SLC25A48: variants seen among roughly 807,000 people sequenced by gnomAD.
SLC25A48 encodes the protein CTC-321K16.1.
In SLC25A48, 29 loss-of-function variants were observed where a neutral mutation model predicts 32.2. The ratio of observed to expected loss-of-function variants is 0.90; its 90% CI spans 0.67 to 1.23. The LOEUF is 1.23. Ranked by LOEUF, SLC25A48 falls within the 50% of genes most tolerant of loss-of-function variation. The pLI is 0.00. For synonymous variants in SLC25A48, 164 were observed against 172.3 expected, an observed-to-expected ratio of 0.95 and a Z score of 0.38; for missense variants, 399 against 422.7, an observed-to-expected ratio of 0.94 and a Z score of 0.49.
intron 3 of SLC25A48, among the ~76,000 whole-genome samples, chr5:135,785,802 G>A (rs1156471834): frequency 6.7e-6 from 1 of 148,664 alleles, no homozygotes; most frequent in Non-Finnish European, 1.5e-5. Context: ...GGGCGAGAGG[G>A]TAACATTACT....
At chr5:135,795,134 C>G (rs73789183) in intron 3 of SLC25A48, among the ~76,000 whole-genome samples, 1 of 151,870 alleles carries the variant, frequency 6.6e-6, no homozygotes, top group African/African-American at 2.4e-5. Context: ...TTCCTAACAC[C>G]CTGGGTGGGA....
rs1364420925 is a variant in SLC25A48, at chr5:135,627,743, C to CT, written c.-848-1494_-848-1493insT. Among the ~76,000 whole-genome samples the CT allele has an allele frequency of 0.02, 3 of 148 alleles. No homozygotes were observed. The East Asian group carries it at 0.38, about 18-fold the overall frequency. The allele number at this position is 148 out of a possible 152,430, so 0.1% of individuals were successfully genotyped here. A position where few individuals can be genotyped will look rare whatever the true frequency, so the allele number is the denominator to read the frequency against. On this transcript the variant is annotated intron_variant, in intron 1 of 10. Coordinates refer to the SLC25A48 transcript ENST00000646290. ...TAGTCACCCAGTCCTATTATTACTG[C>CT]ATGTGCATATACAGGTATTTTAGTG...
At chr5:135,870,038 C>T (rs1441436035) in intron 4 of SLC25A48, among the ~76,000 whole-genome samples, 1 of 152,204 alleles carries the variant, frequency 6.6e-6, no homozygotes, top group Non-Finnish European at 1.5e-5. Flanking sequence ...CTTTATTCTC[C>T]AATCTCTAGA....
intron 4 of SLC25A48, among the ~76,000 whole-genome samples, chr5:135,866,005 T>A (rs1393353257): frequency 1.3e-5 from 2 of 152,240 alleles, no homozygotes; most frequent in Non-Finnish European, 1.5e-5. Context: ...CAATGCATAA[T>A]GCTCATGGAT....
chr5:135,698,529 T>A (rs935069221), intron 3 of SLC25A48, among the ~76,000 whole-genome samples: 1 of 152,156 alleles, frequency 6.6e-6, no homozygotes, highest in African/African-American at 2.4e-5. Context: ...CTACAGTTTT[T>A]AAAAATAATA....
intron 3 of SLC25A48, among the ~76,000 whole-genome samples, chr5:135,758,085 G>C (rs1020557149): frequency 6.7e-6 from 1 of 149,190 alleles, no homozygotes; most frequent in South Asian, 2.2e-4. Flanking sequence ...GTTAACACAC[G>C]ATGATATTAA....
At chr5:135,690,174 C>T (rs1754112795) in intron 3 of SLC25A48, among the ~76,000 whole-genome samples, 1 of 152,150 alleles carries the variant, frequency 6.6e-6, no homozygotes, top group African/African-American at 2.4e-5. Flanking sequence ...CTCCCTATGC[C>T]TCCGTCTTCT....
At chr5:135,768,685 A>G (rs917659903) in intron 3 of SLC25A48, among the ~76,000 whole-genome samples, 26 of 151,670 alleles carry the variant, frequency 1.7e-4, no homozygotes, top group Non-Finnish European at 2.8e-4. Context: ...TATTACTCTG[A>G]ATATCGCAGG....
chr5:135,652,237 C>G, intron 3 of SLC25A48: 2 of 395,118 alleles, frequency 5.1e-6, no homozygotes, highest in South Asian at 3.8e-5. Context: ...ACACCATTCC[C>G]TGGGGGTGAG....
chr5:135,634,271 C>T (rs1049125224), intron 2 of SLC25A48, among the ~76,000 whole-genome samples: 1 of 152,244 alleles, frequency 6.6e-6, no homozygotes, highest in Non-Finnish European at 1.5e-5. Context: ...AGGGTCCATC[C>T]TGCAACCCAG....
chr5:135,807,315 A>G (rs1757486173), intron 3 of SLC25A48, among the ~76,000 whole-genome samples: 2 of 143,976 alleles, frequency 1.4e-5, no homozygotes, highest in African/African-American at 4.9e-5. Context: ...TCTTAATATC[A>G]TAGCATGTTA....
chr5:135,763,348 G>A (rs141238815), intron 3 of SLC25A48, among the ~76,000 whole-genome samples: 2,145 of 152,188 alleles, frequency 0.014, 21 homozygotes, highest in Non-Finnish European at 0.02. Context: ...CCATGGCAGA[G>A]CCTCCTGAGT....
intron 3 of SLC25A48, among the ~76,000 whole-genome samples, chr5:135,787,980 A>T (rs1282132731): frequency 6.6e-6 from 1 of 151,986 alleles, no homozygotes; most frequent in East Asian, 1.9e-4. Context: ...TTCTAGGGTG[A>T]TGTTACTCCA....
At chr5:135,860,105 G>C (rs1760664280) in intron 4 of SLC25A48, among the ~76,000 whole-genome samples, 1 of 152,170 alleles carries the variant, frequency 6.6e-6, no homozygotes. Context: ...AGTTAGCTCA[G>C]CCTAAGCCAA....
intron 4 of SLC25A48, among the ~76,000 whole-genome samples, chr5:135,867,504 A>C (rs1473919619): frequency 6.6e-6 from 1 of 151,840 alleles, no homozygotes. Context: ...GCTCCTGGCA[A>C]CCCCCCGGCT....
intron 1 of SLC25A48, among the ~76,000 whole-genome samples, chr5:135,598,382 G>A (rs572602908): frequency 2.0e-4 from 30 of 152,276 alleles, no homozygotes; most frequent in African/African-American, 7.2e-4. Flanking sequence ...GGACCACTCT[G>A]ACTTGTTTTC....
intron 4 of SLC25A48, among the ~76,000 whole-genome samples, chr5:135,855,797 C>T (rs1760266366): frequency 6.6e-6 from 1 of 152,222 alleles, no homozygotes; most frequent in African/African-American, 2.4e-5. Context: ...CTCACCTGGC[C>T]CACATGCCAG....
At chr5:135,656,628 T>G (rs995156949) in intron 3 of SLC25A48, among the ~76,000 whole-genome samples, 2 of 152,196 alleles carry the variant, frequency 1.3e-5, no homozygotes, top group African/African-American at 4.8e-5. Flanking sequence ...TATTTGGAAA[T>G]GGGGTAATTG....
chr5:135,770,999 G>T (rs1756394433), intron 3 of SLC25A48, among the ~76,000 whole-genome samples: 1 of 151,770 alleles, frequency 6.6e-6, no homozygotes, highest in Non-Finnish European at 1.5e-5. Context: ...AAAAGAAGAT[G>T]ATATTACTCC....
Sources: allele counts gnomAD v4.1 joint callset (sites outside exome capture counted in the v4.1 genomes callset), GRCh38; gene constraint gnomAD v4.1.1; transcripts MANE v1.5; gene names NCBI Gene and HGNC (gene_info 2026-07-23, HGNC 2026-07-21).